Variants in CPZ observed in about 807,000 individuals in gnomAD.
CPZ encodes the protein VEZT/CPZ fusion.
CPZ carries 103 observed loss-of-function variants against 61.8 expected under a neutral mutation model. The observed-to-expected ratio is 1.67, with a 90% CI of 1.42 to 1.96. The LOEUF (loss-of-function observed/expected upper bound fraction) is 1.96, where lower values mean the gene tolerates loss of function less well. Among genes scored for constraint, CPZ ranks in the 30% most tolerant of loss-of-function variants. The probability of loss-of-function intolerance (pLI) is 0.00; values close to 1 mark genes in which losing one functional copy is unlikely to be tolerated. For synonymous variants in CPZ, 551 were observed against 373.7 expected (o/e 1.47, Z -5.47); for missense variants, 1,461 against 914.9 (o/e 1.60, Z -7.70).
At chr4:8,609,288 CTCAG>C (rs754272888) in intron 7 of CPZ, among the ~76,000 whole-genome samples, 5 of 151,644 alleles carry the variant, frequency 3.3e-5, no homozygotes, top group South Asian at 2.1e-4. Flanking sequence ...CACTAATTTT[CTCAG>C]TCATTCATCC....
At position 8,619,366 on chromosome 4, in the gene CPZ, CGGATGAAGAGGGCTGGCCGTGT is replaced by C. The variant is rs2109352784; in HGVS notation, c.1712_1733del (p.Met571ThrfsTer64). ...CATCAAGAAAGTCATCATCCCCGCCCGGATGAAGAGGGCTGGCCGTGTGGACTTCATTCTGCAACCTCTGGGG... is the reference window on the plus strand; with the variant it reads ...CATCAAGAAAGTCATCATCCCCGCCCGGACTTCATTCTGCAACCTCTGGGG... On this transcript the variant is annotated frameshift_variant, in exon 11 of 11. Coordinates refer to ENST00000360986, the MANE Select transcript of CPZ (RefSeq NM_001014447.3). LOFTEE classifies it low-confidence loss of function (END_TRUNC). 1 of 1,614,206 alleles carries C rather than the reference CGGATGAAGAGGGCTGGCCGTGT, an allele frequency of 6.2e-7. No homozygotes were observed. Among genetic ancestry groups the C allele is most frequent in the East Asian group, 2.2e-5 (1 of 44,882 alleles).
intron 1 of CPZ, among the ~76,000 whole-genome samples, chr4:8,598,746 C>A (rs1714362949): frequency 6.6e-6 from 1 of 152,266 alleles, no homozygotes; most frequent in South Asian, 2.1e-4. Context: ...CCCTTAGCAG[C>A]CAGCATTGCT....
At chr4:8,611,362 G>T (rs891776832) in intron 7 of CPZ, 1 of 437,900 alleles carries the variant, frequency 2.3e-6, no homozygotes, top group African/African-American at 2.0e-5. Flanking sequence ...GGAAGCTCTG[G>T]GCTGGGAAGG....
intron 6 of CPZ, 122 bp from the exon 7 acceptor site, chr4:8,607,144 GT>G: frequency 8.1e-7 from 1 of 1,239,468 alleles, no homozygotes; most frequent in Non-Finnish European, 1.1e-6. Context: ...CAGCTGGTGC[GT>G]TGATGTAGAG....
At chr4:8,617,453 T>G (rs1322559267) in intron 9 of CPZ, among the ~76,000 whole-genome samples, 1 of 152,236 alleles carries the variant, frequency 6.6e-6, no homozygotes, top group African/African-American at 2.4e-5. Flanking sequence ...TCTTTGCTTC[T>G]GTGGACTCCT....
At chr4:8,609,428 CAT>C (rs1715454050) in intron 7 of CPZ, among the ~76,000 whole-genome samples, 1 of 142,632 alleles carries the variant, frequency 7.0e-6, no homozygotes, top group Non-Finnish European at 1.5e-5. Context: ...TTCCCTCACT[CAT>C]TCATTCATTG....
intron 9 of CPZ, among the ~76,000 whole-genome samples, chr4:8,615,002 G>C (rs1716043878): frequency 6.6e-6 from 1 of 152,124 alleles, no homozygotes; most frequent in Non-Finnish European, 1.5e-5. Context: ...CGTGGGATGG[G>C]GCGGGCACTG....
At chr4:8,611,810 T>C (rs1048881493) in intron 7 of CPZ, among the ~76,000 whole-genome samples, 1 of 151,838 alleles carries the variant, frequency 6.6e-6, no homozygotes, top group Non-Finnish European at 1.5e-5. Context: ...GGCCCCGAAC[T>C]CCAGCAGTGC....
At chr4:8,610,407 G>A (rs1354373049) in intron 7 of CPZ, among the ~76,000 whole-genome samples, 3 of 152,208 alleles carry the variant, frequency 2.0e-5, no homozygotes, top group Admixed American at 6.5e-5. Context: ...AGACTGACCA[G>A]TGATGGGAGG....
rs1053729045 is a variant in CPZ, at chr4:8,614,240, GTC to G, written c.1364-115_1364-114del. On this transcript the variant is annotated intron_variant, in intron 8 of 10. Transcript: ENST00000360986. ...TGGCTGACACCCCGACGTCCCGGCT[GTC>G]TCTGCGCGGCTGACACCCCGGCGTC... 4.3e-6 allele frequency: 6 copies of G among 1,394,888 alleles called. No homozygotes were observed. In the Admixed American group the frequency reaches 1.1e-4, roughly 25 times the overall value. The allele number at this position is 1,394,888 out of a possible 1,614,324, so 86.4% of individuals were successfully genotyped here. A position where few individuals can be genotyped will look rare whatever the true frequency, so the allele number is the denominator to read the frequency against.
chr4:8,606,940 C>T (rs202025335), intron 6 of CPZ, 42 bp downstream of exon 6: 2 of 1,545,992 alleles, frequency 1.3e-6, no homozygotes, highest in Admixed American at 2.0e-5. Context: ...ACCAAGGCAT[C>T]CAGGGGTCCC....
intron 7 of CPZ, among the ~76,000 whole-genome samples, chr4:8,608,037 G>A (rs914480305): frequency 1.4e-5 from 2 of 143,430 alleles, no homozygotes; most frequent in African/African-American, 2.5e-5. Context: ...ACCTTAGGAC[G>A]ACCTGCTGGG....
intron 8 of CPZ, among the ~76,000 whole-genome samples, chr4:8,612,834 G>A (rs1715828361): frequency 6.6e-6 from 1 of 152,214 alleles, no homozygotes; most frequent in Non-Finnish European, 1.5e-5. Flanking sequence ...CTTGCTGGAG[G>A]CCCAGGGCCA....
At chr4:8,609,716 C>G (rs148785945) in intron 7 of CPZ, among the ~76,000 whole-genome samples, 31 of 152,246 alleles carry the variant, frequency 2.0e-4, no homozygotes, top group Admixed American at 4.6e-4. Context: ...AGAAGACGTC[C>G]CCAGGGGGGA....
chr4:8,610,656 T>G (rs956941243), intron 7 of CPZ, among the ~76,000 whole-genome samples: 1 of 152,178 alleles, frequency 6.6e-6, no homozygotes, highest in Non-Finnish European at 1.5e-5. Context: ...ATGTGATTCA[T>G]TCTTGATGGG....
chr4:8,608,134 C>CTCCAGCTTCCAGCTTCCAGCT (rs200771067), intron 7 of CPZ, among the ~76,000 whole-genome samples: 31 of 140,952 alleles, frequency 2.2e-4, no homozygotes, highest in African/African-American at 2.6e-4. Context: ...GGGCCCCAGC[C>CTCCAGCTTCCAGCTTCCAGCT]TCCAGCCCCC....
rs1465782099 is a variant in CPZ, at chr4:8,619,546, A to T, written c.1888A>T (p.Ser630Cys). Residue 630 changes from serine to cysteine, a missense_variant, in exon 11 of 11, where the codon AGT becomes TGT. Physicochemically the swap from Ser to Cys is moderately radical, Grantham distance 112. Coordinates refer to ENST00000360986, the MANE Select transcript of CPZ (RefSeq NM_001014447.3). ...GCGCAGGCAGCCCTCGGCCGACGGG[A>T]GTAAGCCCTGGTGGTGGTCCTACTT... ...RARRQPSADG[S>C]KPWWWSYFTS... is the part of the protein sequence containing the mutation. 5.1e-6 allele frequency: 8 copies of T among 1,566,302 alleles called. No homozygotes were observed. The highest frequency in any genetic ancestry group is 6.1e-6 in the Non-Finnish European group (7 of 1,155,376).
chr4:8,613,775 G>A (rs760337509), intron 8 of CPZ, among the ~76,000 whole-genome samples: 84 of 152,216 alleles, frequency 5.5e-4, no homozygotes, highest in Non-Finnish European at 1.0e-3. Context: ...CTGGCCAGGT[G>A]GCTGGTTGTC....
chr4:8,604,244 G>A lies in CPZ; in HGVS notation c.709+56G>A, dbSNP rs570793751. 33 of 1,451,088 alleles carry A rather than the reference G, an allele frequency of 2.3e-5. No individual in the cohort carries two copies. The East Asian group carries it at 6.0e-4, about 26-fold the overall frequency. 89.9% of individuals were successfully genotyped at this position (1,451,088 alleles called of 1,614,324 possible). A position where few individuals can be genotyped will look rare whatever the true frequency, so the allele number is the denominator to read the frequency against. ...CCCGTTTCGGGAAAGGGCTTGGGCC[G>A]CTCCACCTTCGGGTGCACAAGTTGG... On this transcript the variant is annotated intron_variant, in intron 4 of 10. Transcript: ENST00000360986.
Sources: allele counts gnomAD v4.1 joint callset (sites outside exome capture counted in the v4.1 genomes callset), GRCh38; gene constraint gnomAD v4.1.1; transcripts MANE v1.5; gene names NCBI Gene and HGNC (gene_info 2026-07-23, HGNC 2026-07-21).